SYNPO2: variants seen among roughly 807,000 people sequenced by gnomAD.
The protein encoded by SYNPO2 is synaptopodin-2.
SYNPO2 carries 56 observed loss-of-function variants against 85.0 expected under a neutral mutation model. The observed-to-expected ratio is 0.66, with a 90% CI of 0.53 to 0.82. The LOEUF is 0.82. Among genes scored for constraint, SYNPO2 ranks in the 40% least tolerant of loss-of-function variants. SYNPO2 has a pLI of 0.00. For missense variants in SYNPO2, 1,575 were observed against 1,534.2 expected (o/e 1.03, Z -0.44); for synonymous variants, 602 against 591.1 (o/e 1.02, Z -0.27).
chr4:119,002,231 T>C (rs1338279315), intron 1 of SYNPO2, among the ~76,000 whole-genome samples: 1 of 152,194 alleles, frequency 6.6e-6, no homozygotes, highest in Non-Finnish European at 1.5e-5. Context: ...GTCCTCCTGG[T>C]ATTTTAAAAT....
intron 1 of SYNPO2, among the ~76,000 whole-genome samples, chr4:118,993,368 T>C (rs868081531): frequency 1.3e-5 from 2 of 152,362 alleles, no homozygotes; most frequent in Middle Eastern, 3.4e-3. Context: ...TTGAAATTTA[T>C]TTGGAAACCT....
chr4:118,929,672 C>T (rs1308215480), intron 1 of SYNPO2, among the ~76,000 whole-genome samples: 2 of 151,466 alleles, frequency 1.3e-5, no homozygotes, highest in African/African-American at 2.4e-5. Flanking sequence ...CAAGGCTCTA[C>T]AAAATCGAAA....
intron 1 of SYNPO2, among the ~76,000 whole-genome samples, chr4:118,932,029 G>GTA (rs1553938923): frequency 6.6e-6 from 1 of 152,216 alleles, no homozygotes. Flanking sequence ...GCATAATGAA[G>GTA]TATAGGCAGT....
chr4:118,863,366 C>A (rs1731645605), intron 1 of SYNPO2, among the ~76,000 whole-genome samples: 1 of 152,108 alleles, frequency 6.6e-6, no homozygotes, highest in Non-Finnish European at 1.5e-5. Context: ...GTTTGGATTT[C>A]TTCTTGGTTC....
chr4:118,913,988 G>A lies in SYNPO2; in HGVS notation c.105+24847G>A, dbSNP rs112696620. ...GCTTGGAGAATGGTGATTACCATAC[G>A]CCATGTGAGAAATAATAGGATTCTA... On this transcript the variant is annotated intron_variant, in intron 1 of 4. Coordinates refer to ENST00000307142, the MANE Select transcript of SYNPO2 (RefSeq NM_133477.3). Among the ~76,000 whole-genome samples, 594 of 152,152 alleles carry A rather than the reference G, an allele frequency of 3.9e-3. 4 individuals are homozygous for A. Among genetic ancestry groups the A allele is most frequent in the African/African-American group, 0.013 (533 of 41,534 alleles).
intron 1 of SYNPO2, among the ~76,000 whole-genome samples, chr4:118,880,157 C>A (rs1732054333): frequency 6.6e-6 from 1 of 151,990 alleles, no homozygotes; most frequent in Non-Finnish European, 1.5e-5. Context: ...GCTACTTGCT[C>A]GGAATAAGAA....
At chr4:119,056,986 A>T (rs542146921) in intron 4 of SYNPO2, among the ~76,000 whole-genome samples, 1 of 152,326 alleles carries the variant, frequency 6.6e-6, no homozygotes, top group South Asian at 2.1e-4. Flanking sequence ...TTGTACCAGC[A>T]AAGCAGGATA....
intron 1 of SYNPO2, among the ~76,000 whole-genome samples, chr4:118,969,273 C>T (rs899266663): frequency 6.6e-6 from 1 of 152,128 alleles, no homozygotes; most frequent in African/African-American, 2.4e-5. Flanking sequence ...AACTCTAAGT[C>T]CCAGAAATGC....
Position 118,938,149 on chromosome 4 carries a change from A to G in SYNPO2, c.105+49008A>G, listed in dbSNP as rs143199794. ...AAACCTCATCTCTACTAAAAAATACAAAAAATTAGCCAGGCGGTAGGCTGT... is the reference window on the plus strand; with the variant it reads ...AAACCTCATCTCTACTAAAAAATACGAAAAATTAGCCAGGCGGTAGGCTGT... On this transcript the variant is annotated intron_variant, in intron 1 of 4. Transcript: ENST00000307142. Among the ~76,000 whole-genome samples, 54 of 152,262 alleles carry G rather than the reference A, an allele frequency of 3.5e-4. No individual in the cohort carries two copies. In the East Asian group the frequency reaches 9.9e-3, roughly 28 times the overall value.
chr4:119,016,587 G>A (rs981546496), intron 1 of SYNPO2, among the ~76,000 whole-genome samples: 1 of 152,018 alleles, frequency 6.6e-6, no homozygotes, highest in Non-Finnish European at 1.5e-5. Flanking sequence ...CTGCACAAAT[G>A]TTTATAAAAA....
intron 1 of SYNPO2, among the ~76,000 whole-genome samples, chr4:118,978,953 C>T (rs1478416198): frequency 6.6e-6 from 1 of 152,130 alleles, no homozygotes; most frequent in Middle Eastern, 3.2e-3. Flanking sequence ...AACACTGGCC[C>T]GCACACATAG....
intron 1 of SYNPO2, among the ~76,000 whole-genome samples, chr4:118,968,804 T>G (rs1735412479): frequency 6.6e-6 from 1 of 152,232 alleles, no homozygotes; most frequent in Admixed American, 6.5e-5. Context: ...TTTTCAAAGT[T>G]AAAAACAAAT....
At chr4:119,050,576 G>T (rs1739005082) in intron 4 of SYNPO2, among the ~76,000 whole-genome samples, 1 of 152,126 alleles carries the variant, frequency 6.6e-6, no homozygotes, top group South Asian at 2.1e-4. Flanking sequence ...TCCACATAAA[G>T]AAATCAGCCC....
chr4:118,995,862 TTATCTATCTATCTATC>T (rs34223926), intron 1 of SYNPO2, among the ~76,000 whole-genome samples: 261 of 148,424 alleles, frequency 1.8e-3, no homozygotes, highest in African/African-American at 6.0e-3. Context: ...TCTATTTATC[TTATCTATCTATCTATC>T]TATCTATCTA....
chr4:118,978,146 T>C (rs546017182), intron 1 of SYNPO2, among the ~76,000 whole-genome samples: 6 of 152,352 alleles, frequency 3.9e-5, no homozygotes, highest in African/African-American at 1.2e-4. Context: ...GATTTTCTAG[T>C]TGCAACTTGC....
At chr4:118,941,750 TG>T (rs1454877877) in intron 1 of SYNPO2, among the ~76,000 whole-genome samples, 1 of 152,214 alleles carries the variant, frequency 6.6e-6, no homozygotes, top group Admixed American at 6.5e-5. Flanking sequence ...AAGCTTTTTA[TG>T]ACTTACATTT....
chr4:118,872,653 C>A (rs183341397), intron 1 of SYNPO2, among the ~76,000 whole-genome samples: 1 of 152,104 alleles, frequency 6.6e-6, no homozygotes, highest in Non-Finnish European at 1.5e-5. Flanking sequence ...TCTGAGGACA[C>A]CCTACTATGT....
At chr4:118,923,682 A>G (rs1006021178) in intron 1 of SYNPO2, among the ~76,000 whole-genome samples, 2 of 152,164 alleles carry the variant, frequency 1.3e-5, no homozygotes, top group Non-Finnish European at 2.9e-5. Context: ...GACCTGTAGC[A>G]TCTCTTCTAG....
intron 2 of SYNPO2, among the ~76,000 whole-genome samples, chr4:119,024,135 T>C (rs1435168229): frequency 6.6e-6 from 1 of 152,170 alleles, no homozygotes. Flanking sequence ...CACAGGTCAT[T>C]TGGGAATTCA....
Sources: gnomAD v4.1 joint callset for allele counts (sites outside exome capture counted in the v4.1 genomes callset) on GRCh38, gnomAD v4.1.1 for gene constraint, MANE v1.5 for transcripts, NCBI Gene and HGNC (gene_info 2026-07-23, HGNC 2026-07-21) for gene names.